PPM1E: variants seen among roughly 807,000 people sequenced by gnomAD.
PPM1E encodes the protein protein phosphatase, Mg2+/Mn2+ dependent 1E, also known as protein phosphatase 1E.
In PPM1E, 20 loss-of-function variants were observed where a neutral mutation model predicts 65.9. That is an observed-to-expected ratio of 0.30 (90% CI 0.21 to 0.44). PPM1E has a LOEUF of 0.44. Ranked by LOEUF, PPM1E falls within the 20% of genes least tolerant of loss-of-function variation. The pLI is 1.00. For synonymous variants in PPM1E, 352 were observed against 374.9 expected (o/e 0.94, Z 0.70); for missense variants, 713 against 953.1 (o/e 0.75, Z 3.32).
intron 1 of PPM1E, among the ~76,000 whole-genome samples, chr17:58,821,601 A>G (rs951291761): frequency 1.3e-5 from 2 of 152,362 alleles, no homozygotes; most frequent in African/African-American, 4.8e-5. Flanking sequence ...AGCTTACGGC[A>G]GGGCAGGAAC....
chr17:58,835,660 A>T (rs1477722826), intron 1 of PPM1E, among the ~76,000 whole-genome samples: 1 of 151,798 alleles, frequency 6.6e-6, no homozygotes, highest in Non-Finnish European at 1.5e-5. Flanking sequence ...TCTCTACAAA[A>T]AATTTTTAAA....
chr17:58,777,984 C>T (rs1339568834), intron 1 of PPM1E, among the ~76,000 whole-genome samples: 3 of 152,134 alleles, frequency 2.0e-5, no homozygotes, highest in Non-Finnish European at 4.4e-5. Context: ...GGCTGGAGTA[C>T]GGTGGCATGA....
At chr17:58,866,890 C>T (rs976006891) in intron 1 of PPM1E, among the ~76,000 whole-genome samples, 9 of 152,190 alleles carry the variant, frequency 5.9e-5, no homozygotes, top group Non-Finnish European at 1.3e-4. Context: ...CTCTAGATTT[C>T]TTCATTTGAT....
At chr17:58,970,697 C>T (rs1277590207) in intron 4 of PPM1E, among the ~76,000 whole-genome samples, 1 of 152,054 alleles carries the variant, frequency 6.6e-6, no homozygotes, top group Non-Finnish European at 1.5e-5. Context: ...GATTAATATG[C>T]AAATCCAACA....
chr17:58,949,323 CT>C (rs1221050600), intron 1 of PPM1E, among the ~76,000 whole-genome samples: 2 of 152,074 alleles, frequency 1.3e-5, no homozygotes, highest in East Asian at 3.9e-4. Flanking sequence ...TTCCTGCTTG[CT>C]TTTGGTTTCC....
In PPM1E at chr17:58,860,968, G is replaced by A. The variant is rs1309507480; in HGVS notation, c.465-94681G>A. 2.0e-5 allele frequency among the ~76,000 whole-genome samples: 3 copies of A among 152,016 alleles called. No homozygotes were observed. The East Asian group carries it at 5.8e-4, about 29-fold the overall frequency. On this transcript the variant is annotated intron_variant, in intron 1 of 6. Transcript: ENST00000308249. ...AAAGAAAAAAAAAGCTAACATACTG[G>A]TTTCATCTACTGAAAAATCTCTTCC...
chr17:58,946,446 G>A (rs1234928194), intron 1 of PPM1E, among the ~76,000 whole-genome samples: 1 of 152,120 alleles, frequency 6.6e-6, no homozygotes, highest in Non-Finnish European at 1.5e-5. Context: ...AGTCTCATTA[G>A]ATATATGATT....
intron 1 of PPM1E, among the ~76,000 whole-genome samples, chr17:58,943,618 A>C (rs1166787716): frequency 6.6e-6 from 1 of 152,038 alleles, no homozygotes; most frequent in Non-Finnish European, 1.5e-5. Context: ...AGTGGCTCTC[A>C]AAATGTGGTT....
At chr17:58,961,278 T>C (rs889127791) in intron 2 of PPM1E, among the ~76,000 whole-genome samples, 9 of 152,250 alleles carry the variant, frequency 5.9e-5, no homozygotes, top group Non-Finnish European at 1.0e-4. Flanking sequence ...AGTTTACATA[T>C]TTATTTTTTC....
intron 1 of PPM1E, among the ~76,000 whole-genome samples, chr17:58,845,741 C>T (rs552460990): frequency 5.9e-5 from 9 of 152,200 alleles, no homozygotes; most frequent in South Asian, 4.2e-4. Context: ...AGTGCAGTGG[C>T]GCGATCTTGG....
intron 1 of PPM1E, among the ~76,000 whole-genome samples, chr17:58,817,287 G>A (rs1174850546): frequency 6.6e-6 from 1 of 152,138 alleles, no homozygotes; most frequent in Non-Finnish European, 1.5e-5. Context: ...ATATGCCTAG[G>A]AGTGGAATTG....
chr17:58,908,384 A>G (rs1468900847), intron 1 of PPM1E, among the ~76,000 whole-genome samples: 2 of 146,930 alleles, frequency 1.4e-5, no homozygotes, highest in African/African-American at 5.0e-5. Context: ...TGTTGTTTTA[A>G]TTTAATATTT....
At chr17:58,837,364 A>G (rs973245968) in intron 1 of PPM1E, among the ~76,000 whole-genome samples, 1 of 128,824 alleles carries the variant, frequency 7.8e-6, no homozygotes, top group South Asian at 2.5e-4. Context: ...CACACACTAA[A>G]TCTCTCATTA....
chr17:58,849,166 T>C (rs180760924), intron 1 of PPM1E, among the ~76,000 whole-genome samples: 65 of 152,340 alleles, frequency 4.3e-4, no homozygotes, highest in African/African-American at 1.5e-3. Context: ...TTCTCTCTTT[T>C]CTTCATTAGT....
rs1019220959 is a variant in PPM1E, at chr17:58,790,348, G to T, written c.464+33887G>T. ...CAAAACTGGTGACATGAGCCACTGT[G>T]CCCAGCGCGGCTCTTGTCTTGAGTT... On this transcript the variant is annotated intron_variant, in intron 1 of 6. Transcript: ENST00000308249. Among the ~76,000 whole-genome samples, 57 of 152,170 alleles carry T rather than the reference G, an allele frequency of 3.7e-4. 1 individual carries two copies. The highest frequency in any genetic ancestry group is 1.0e-4 in the Non-Finnish European group (7 of 68,022).
Position 58,756,456 on chromosome 17 carries a change from C to A in PPM1E, c.459C>A (p.Tyr153Ter). 1 of 1,309,274 alleles carries A rather than the reference C, an allele frequency of 7.6e-7. No individual in the cohort carries two copies. Among genetic ancestry groups the A allele is most frequent in the Non-Finnish European group, 9.7e-7 (1 of 1,028,670 alleles). The allele number at this position is 1,309,274 out of a possible 1,614,324, so 81.1% of individuals were successfully genotyped here. A position where few individuals can be genotyped will look rare whatever the true frequency, so the allele number is the denominator to read the frequency against. ...ESLDLCLQQL[Y>*]KYNCPSFLAA... is the part of the protein sequence containing the mutation. ...TGGACCTGTGCCTGCAGCAGCTCTA[C>A]AAATAGTTAAGTAGCTGGGCTTGGC... The change falls in exon 1 of 7, where the codon TAC (tyrosine) becomes TAA (stop). Residue 153 changes from tyrosine to a stop codon, truncating the protein, a stop_gained. Coordinates refer to ENST00000308249, the MANE Select transcript of PPM1E (RefSeq NM_014906.5). LOFTEE classifies it high-confidence loss of function.
At chr17:58,905,497 A>G (rs1049631255) in intron 1 of PPM1E, among the ~76,000 whole-genome samples, 3 of 152,086 alleles carry the variant, frequency 2.0e-5, no homozygotes, top group South Asian at 4.1e-4. Context: ...TTTTGATATG[A>G]TAGATTACAT....
At chr17:58,779,020 A>G (rs2050025990) in intron 1 of PPM1E, among the ~76,000 whole-genome samples, 2 of 146,494 alleles carry the variant, frequency 1.4e-5, no homozygotes, top group African/African-American at 5.0e-5. Flanking sequence ...TTTTAAAATC[A>G]TTAAACGTTC....
chr17:58,792,343 G>T (rs1270181812), intron 1 of PPM1E, among the ~76,000 whole-genome samples: 3 of 150,916 alleles, frequency 2.0e-5, no homozygotes, highest in African/African-American at 7.3e-5. Flanking sequence ...CCACAATAAT[G>T]ATTACTATTA....
Sources: gnomAD v4.1 joint callset for allele counts (sites outside exome capture counted in the v4.1 genomes callset) on GRCh38, gnomAD v4.1.1 for gene constraint, MANE v1.5 for transcripts, NCBI Gene and HGNC (gene_info 2026-07-23, HGNC 2026-07-21) for gene names.